Variants in RASAL2 observed in about 807,000 individuals in gnomAD.
The protein encoded by RASAL2 is ras GTPase-activating protein nGAP.
RASAL2 carries 58 observed loss-of-function variants against 128.9 expected under a neutral mutation model. The observed-to-expected ratio is 0.45, with a 90% confidence interval of 0.36 to 0.56. RASAL2 has a LOEUF of 0.56. Among genes scored for constraint, RASAL2 ranks in the 20% least tolerant of loss-of-function variants. The probability of loss-of-function intolerance (pLI) is 0.00; values close to 1 mark genes in which losing one functional copy is unlikely to be tolerated. For synonymous variants in RASAL2, 561 were observed against 580.8 expected, an observed-to-expected ratio of 0.97 and a Z score of 0.49; for missense variants, 1,360 against 1,601.6, an observed-to-expected ratio of 0.85 and a Z score of 2.57.
intron 9 of RASAL2, among the ~76,000 whole-genome samples, chr1:178,448,818 A>G (rs1677190119): frequency 6.6e-6 from 1 of 152,206 alleles, no homozygotes; most frequent in Non-Finnish European, 1.5e-5. Flanking sequence ...AAAAGTGGAT[A>G]CTAGTCTTTT....
At chr1:178,208,973 A>G (rs932107215) in intron 1 of RASAL2, among the ~76,000 whole-genome samples, 3 of 152,114 alleles carry the variant, frequency 2.0e-5, no homozygotes, top group Admixed American at 1.3e-4. Context: ...AAAATCAGGG[A>G]AAAAAGATTT....
intron 4 of RASAL2, among the ~76,000 whole-genome samples, chr1:178,416,287 G>A (rs1674751612): frequency 6.6e-6 from 1 of 151,910 alleles, no homozygotes; most frequent in African/African-American, 2.4e-5. Flanking sequence ...TATAACTAAT[G>A]TAAGTCCACT....
At chr1:178,158,508 A>G (rs1229939959) in intron 1 of RASAL2, among the ~76,000 whole-genome samples, 1 of 152,208 alleles carries the variant, frequency 6.6e-6, no homozygotes, top group Non-Finnish European at 1.5e-5. Flanking sequence ...ATCCTTCAAC[A>G]AAGTAGTTGA....
chr1:178,217,129 C>G (rs1251552797), intron 1 of RASAL2, among the ~76,000 whole-genome samples: 1 of 152,082 alleles, frequency 6.6e-6, no homozygotes, highest in Admixed American at 6.6e-5. Flanking sequence ...GCACGCACCA[C>G]CACGCCTGGC....
In RASAL2 at chr1:178,467,492, G is replaced by T. The variant is rs866366921; in HGVS notation, c.3678+71G>T. On this transcript the variant is annotated intron_variant, in intron 17 of 17. Transcript: ENST00000367649. ...GATTATTTCCTGACTTCACACCCTTGCAAATGCCAAGGCAGGTACCCAAAA... is the reference window on the plus strand; with the variant it reads ...GATTATTTCCTGACTTCACACCCTTTCAAATGCCAAGGCAGGTACCCAAAA... 3.6e-5 allele frequency: 50 copies of T among 1,378,618 alleles called. 4 individuals are homozygous for T. The Middle Eastern group carries it at 3.7e-3, about 103-fold the overall frequency. The allele number at this position is 1,378,618 out of a possible 1,614,324, so 85.4% of individuals were successfully genotyped here.
intron 1 of RASAL2, among the ~76,000 whole-genome samples, chr1:178,175,456 G>GTGTA (rs1558096470): frequency 6.6e-6 from 1 of 151,666 alleles, no homozygotes; most frequent in African/African-American, 2.4e-5. Context: ...GTGTGTGTGT[G>GTGTA]TGTGTGTGTG....
chr1:178,385,640 A>G (rs1392052775), intron 3 of RASAL2, among the ~76,000 whole-genome samples: 1 of 152,086 alleles, frequency 6.6e-6, no homozygotes, highest in Non-Finnish European at 1.5e-5. Context: ...TTTAAAATAT[A>G]GTAGTATTGT....
intron 1 of RASAL2, among the ~76,000 whole-genome samples, chr1:178,146,438 AT>A (rs1304800502): frequency 6.6e-6 from 1 of 152,252 alleles, no homozygotes; most frequent in Non-Finnish European, 1.5e-5. Context: ...TTCAAAAATA[AT>A]TAGAGAAATT....
chr1:178,386,313 A>C (rs1049854734), intron 3 of RASAL2, among the ~76,000 whole-genome samples: 1 of 152,242 alleles, frequency 6.6e-6, no homozygotes, highest in Non-Finnish European at 1.5e-5. Context: ...CTCAAAGCAT[A>C]TAAACTCATT....
rs189874036 is a variant in RASAL2 at position 178,468,003 on chromosome 1, A to G, written c.3678+582A>G. 1.4e-3 allele frequency among the ~76,000 whole-genome samples: 213 copies of G among 152,360 alleles called. No homozygotes were observed. The Middle Eastern group carries it at 0.02, about 15-fold the overall frequency. On this transcript the variant is annotated intron_variant, in intron 17 of 17. Coordinates refer to ENST00000367649, the MANE Select transcript of RASAL2 (RefSeq NM_170692.4). Reference sequence around the variant, plus strand: ...CATCTTTTGATAAAACTTTAAAAAAAGAAAAGGTTGTTGAAATCAGAACCT... The same window carrying G: ...CATCTTTTGATAAAACTTTAAAAAAGGAAAAGGTTGTTGAAATCAGAACCT...
chr1:178,424,947 A>T (rs1675426433), intron 5 of RASAL2, among the ~76,000 whole-genome samples: 2 of 152,234 alleles, frequency 1.3e-5, no homozygotes, highest in South Asian at 2.1e-4. Context: ...TCAATATGTG[A>T]CAGTTATGTA....
intron 1 of RASAL2, among the ~76,000 whole-genome samples, chr1:178,145,299 A>AT (rs933297443): frequency 1.4e-4 from 21 of 151,878 alleles, no homozygotes; most frequent in South Asian, 2.1e-4. Flanking sequence ...AGAAAAGAGG[A>AT]TTTTTTTTGT....
At chr1:178,340,445 G>C (rs979785149) in intron 3 of RASAL2, among the ~76,000 whole-genome samples, 19 of 151,646 alleles carry the variant, frequency 1.3e-4, no homozygotes, top group Non-Finnish European at 2.5e-4. Context: ...CTTTTTATTG[G>C]GGGAATATAG....
At chr1:178,099,969 A>C (rs549804521) in intron 1 of RASAL2, among the ~76,000 whole-genome samples, 8 of 152,190 alleles carry the variant, frequency 5.3e-5, no homozygotes, top group South Asian at 2.1e-4. Context: ...CAAAAAAAAA[A>C]CAAAATCATA....
chr1:178,466,786 G>A (rs917266133), intron 16 of RASAL2, among the ~76,000 whole-genome samples: 1 of 152,168 alleles, frequency 6.6e-6, no homozygotes, highest in Non-Finnish European at 1.5e-5. Context: ...TTTGTAAAAT[G>A]CTATGGACAG....
In RASAL2 at chr1:178,110,238, C is replaced by G. The variant is rs6660682; in HGVS notation, c.202+15544C>G. Among the ~76,000 whole-genome samples the G allele has an allele frequency of 4.0e-3, 615 of 152,124 alleles. 5 individuals are homozygous for G. The highest frequency in any genetic ancestry group is 0.014 in the African/African-American group (600 of 41,510). On this transcript the variant is annotated intron_variant, in intron 1 of 17. Transcript: ENST00000367649. ...AGACAGCTACTAATCTGCTTTCTAT[C>G]TGTATAGATTAGTTTGGATTTTCAA...
At chr1:178,455,318 G>T (rs911305148) in intron 12 of RASAL2, among the ~76,000 whole-genome samples, 1 of 152,096 alleles carries the variant, frequency 6.6e-6, no homozygotes, top group African/African-American at 2.4e-5. Context: ...CGTTGGCTAG[G>T]CTTATTACAA....
chr1:178,208,277 A>G (rs1663124509), intron 1 of RASAL2, among the ~76,000 whole-genome samples: 1 of 152,146 alleles, frequency 6.6e-6, no homozygotes, highest in Admixed American at 6.5e-5. Context: ...GAGCCTATAA[A>G]TGGATGTGCG....
At chr1:178,169,469 T>G (rs1257776074) in intron 1 of RASAL2, among the ~76,000 whole-genome samples, 2 of 152,298 alleles carry the variant, frequency 1.3e-5, no homozygotes, top group East Asian at 3.9e-4. Context: ...TTCTTTTTAA[T>G]CATTACAATT....
Sources: allele counts gnomAD v4.1 joint callset (sites outside exome capture counted in the v4.1 genomes callset), GRCh38; gene constraint gnomAD v4.1.1; transcripts MANE v1.5; gene names NCBI Gene and HGNC (gene_info 2026-07-23, HGNC 2026-07-21).